SUPT3H: variants seen among roughly 807,000 people sequenced by gnomAD.
The protein encoded by SUPT3H is transcription initiation protein SPT3 homolog.
Under a neutral mutation model 44.3 loss-of-function variants are expected in SUPT3H, and 44 were observed. The ratio of observed to expected loss-of-function variants is 0.99; its 90% CI spans 0.78 to 1.28. The LOEUF (loss-of-function observed/expected upper bound fraction) is 1.28. Ranked by LOEUF, SUPT3H falls within the 50% of genes most tolerant of loss-of-function variation. SUPT3H has a pLI of 0.00. For missense variants in SUPT3H, 380 were observed against 387.1 expected, an observed-to-expected ratio of 0.98 and a Z score of 0.15; for synonymous variants, 124 against 125.6, an observed-to-expected ratio of 0.99 and a Z score of 0.09.
At position 45,328,570 on chromosome 6, in the gene SUPT3H, TTTC is replaced by T. The variant is rs1403319687; in HGVS notation, c.101+36628_101+36630del. 3.2e-6 allele frequency: 5 copies of T among 1,580,222 alleles called. No individual in the cohort carries two copies. In the African/African-American group the frequency reaches 4.1e-5, roughly 13 times the overall value. The stretch of plus-strand genomic sequence containing the variant: ...TTTTCACATGTTACCAGCTACATAA[TTTC>T]TTGACAGAAAAAAATAAATATAAAG... On this transcript the variant is annotated intron_variant, in intron 2 of 10. Transcript: ENST00000371459.
chr6:45,022,574 C>G (rs1785317341), intron 3 of SUPT3H, among the ~76,000 whole-genome samples: 1 of 152,014 alleles, frequency 6.6e-6, no homozygotes, highest in Non-Finnish European at 1.5e-5. Context: ...AATATCCTTA[C>G]TAGGACTAGC....
At chr6:45,331,835 T>G (rs1225027310) in intron 2 of SUPT3H, among the ~76,000 whole-genome samples, 1 of 152,102 alleles carries the variant, frequency 6.6e-6, no homozygotes, top group East Asian at 1.9e-4. Context: ...ATTTATTCAA[T>G]TACTCTCTTC....
chr6:45,012,448 T>C lies in SUPT3H; in HGVS notation c.364+2353A>G, dbSNP rs533087764. ...GCTGAAAACAACTATTGAGCCCTTC[T>C]GAATTTTTTCATTTCAGTAATTGTA... On this transcript the variant is annotated intron_variant, in intron 5 of 10. Transcript: ENST00000371459. 4.6e-5 allele frequency among the ~76,000 whole-genome samples: 7 copies of C among 152,208 alleles called. No individual in the cohort carries two copies. In the East Asian group the frequency reaches 1.2e-3, roughly 25 times the overall value.
intron 3 of SUPT3H, among the ~76,000 whole-genome samples, chr6:45,044,293 C>G (rs1047919867): frequency 3.9e-5 from 6 of 152,136 alleles, no homozygotes; most frequent in African/African-American, 1.2e-4. Context: ...AATCCTTTAT[C>G]AGGTTGGAAT....
chr6:45,027,242 TG>T (rs1335744249), intron 3 of SUPT3H, among the ~76,000 whole-genome samples: 1 of 152,076 alleles, frequency 6.6e-6, no homozygotes, highest in Non-Finnish European at 1.5e-5. Context: ...CTGCCCACTT[TG>T]GTGTCCCAAA....
At chr6:44,856,081 T>C (rs1355533142) in intron 10 of SUPT3H, among the ~76,000 whole-genome samples, 2 of 152,184 alleles carry the variant, frequency 1.3e-5, no homozygotes, top group African/African-American at 4.8e-5. Flanking sequence ...GAAGCACTTA[T>C]TAATGTCAAG....
intron 2 of SUPT3H, among the ~76,000 whole-genome samples, chr6:45,262,534 G>A (rs952910699): frequency 6.6e-6 from 1 of 152,116 alleles, no homozygotes; most frequent in African/African-American, 2.4e-5. Flanking sequence ...AGACTTAGAT[G>A]TAAGACCTAA....
chr6:45,098,874 T>C (rs2153567212), intron 3 of SUPT3H: 1 of 548,386 alleles, frequency 1.8e-6, no homozygotes, highest in Middle Eastern at 6.0e-4. Context: ...AGTCCTTTGA[T>C]AAGTTGATTG....
chr6:44,867,151 A>AC (rs1361960497), intron 10 of SUPT3H, among the ~76,000 whole-genome samples: 1 of 151,914 alleles, frequency 6.6e-6, no homozygotes, highest in Non-Finnish European at 1.5e-5. Context: ...AAAGGAAGAT[A>AC]CACTTTTTTT....
At chr6:45,139,229 A>G (rs1804785570) in intron 2 of SUPT3H, among the ~76,000 whole-genome samples, 1 of 152,256 alleles carries the variant, frequency 6.6e-6, no homozygotes, top group Non-Finnish European at 1.5e-5. Flanking sequence ...ATAATTGGCA[A>G]TAAAAACAAA....
At chr6:45,331,572 A>C (rs1787520631) in intron 2 of SUPT3H, among the ~76,000 whole-genome samples, 1 of 152,040 alleles carries the variant, frequency 6.6e-6, no homozygotes, top group African/African-American at 2.4e-5. Context: ...AAAATGTCAA[A>C]GTAATTCCCA....
intron 2 of SUPT3H, among the ~76,000 whole-genome samples, chr6:45,224,778 CAA>C (rs771850561): frequency 9.8e-6 from 1 of 102,522 alleles, no homozygotes. Flanking sequence ...ACTTTGTCTC[CAA>C]AAAAAAAAAA....
At chr6:45,050,450 G>GA (rs35488722) in intron 3 of SUPT3H, among the ~76,000 whole-genome samples, 28 of 150,188 alleles carry the variant, frequency 1.9e-4, no homozygotes, top group African/African-American at 4.2e-4. Flanking sequence ...GAAAGGCAAA[G>GA]AAAAAAAAAA....
chr6:45,288,599 GTATATATATA>G (rs1423721314), intron 2 of SUPT3H, among the ~76,000 whole-genome samples: 3 of 32,438 alleles, frequency 9.2e-5, no homozygotes, highest in Non-Finnish European at 1.5e-4. Flanking sequence ...ATATATATGT[GTATATATATA>G]TATGTATATA....
At chr6:45,261,185 C>A (rs1774309343) in intron 2 of SUPT3H, among the ~76,000 whole-genome samples, 1 of 151,576 alleles carries the variant, frequency 6.6e-6, no homozygotes, top group Non-Finnish European at 1.5e-5. Flanking sequence ...CCAAAAAAAC[C>A]AAAAATCAAG....
chr6:45,256,822 C>T (rs1773491843), intron 2 of SUPT3H, among the ~76,000 whole-genome samples: 1 of 152,182 alleles, frequency 6.6e-6, no homozygotes, highest in African/African-American at 2.4e-5. Flanking sequence ...CCACATTTTG[C>T]TTATCCACTC....
chr6:45,288,515 C>G (rs1313852186), intron 2 of SUPT3H, among the ~76,000 whole-genome samples: 2 of 144,540 alleles, frequency 1.4e-5, no homozygotes, highest in Non-Finnish European at 3.0e-5. Context: ...AGTATTTACA[C>G]ACAATAAGAG....
chr6:44,972,133 T>C (rs941458155), intron 6 of SUPT3H, among the ~76,000 whole-genome samples: 6 of 152,080 alleles, frequency 3.9e-5, no homozygotes, highest in African/African-American at 1.4e-4. Flanking sequence ...GTCCAAAGTC[T>C]CATCTGAGAC....
chr6:45,016,608 C>T (rs1379190047), intron 4 of SUPT3H, among the ~76,000 whole-genome samples: 2 of 150,214 alleles, frequency 1.3e-5, no homozygotes, highest in South Asian at 2.1e-4. Context: ...GTTTTTTGTC[C>T]TTGTGATAGT....
Sources: allele counts gnomAD v4.1 joint callset (sites outside exome capture counted in the v4.1 genomes callset), GRCh38; gene constraint gnomAD v4.1.1; transcripts MANE v1.5; gene names NCBI Gene and HGNC (gene_info 2026-07-23, HGNC 2026-07-21).